Variants in MAP4 observed in about 807,000 individuals in gnomAD.
MAP4 encodes the protein microtubule associated protein 4.
Under a neutral mutation model 170.2 loss-of-function variants are expected in MAP4, and 76 were observed. That is an observed-to-expected ratio of 0.45 (90% confidence interval 0.37 to 0.54). MAP4 has a LOEUF of 0.54. Among genes scored for constraint, MAP4 ranks in the 20% least tolerant of loss-of-function variants. MAP4 has a pLI of 0.00. For missense variants in MAP4, 2,506 were observed against 2,748.0 expected (o/e 0.91, Z 1.97); for synonymous variants, 909 against 994.5 (o/e 0.91, Z 1.62).
chr3:48,009,975 G>A (rs765494596), intron 1 of MAP4, among the ~76,000 whole-genome samples: 7 of 152,158 alleles, frequency 4.6e-5, no homozygotes, highest in Non-Finnish European at 7.3e-5. Flanking sequence ...TGTTGGCTAA[G>A]GTGACTGACC....
At chr3:47,976,450 C>T (rs981195997) in intron 3 of MAP4, among the ~76,000 whole-genome samples, 2 of 152,172 alleles carry the variant, frequency 1.3e-5, no homozygotes, top group Non-Finnish European at 2.9e-5. Context: ...CTTTCAACTG[C>T]CTAATCAAGT....
chr3:47,926,580 G>A (rs80115964), intron 4 of MAP4, among the ~76,000 whole-genome samples: 6,711 of 152,104 alleles, frequency 0.044, 497 homozygotes, highest in African/African-American at 0.15. Flanking sequence ...TATTGCCCAC[G>A]CTAGAGTACA....
intron 10 of MAP4, among the ~76,000 whole-genome samples, chr3:47,897,959 A>G (rs73087125): frequency 0.011 from 1,717 of 151,906 alleles, 21 homozygotes; most frequent in Non-Finnish European, 0.019. Flanking sequence ...GGAAAAAAAA[A>G]AAAGAAAGAA....
chr3:47,978,264 T>A (rs186781309), intron 2 of MAP4, among the ~76,000 whole-genome samples: 3 of 152,278 alleles, frequency 2.0e-5, no homozygotes, highest in Non-Finnish European at 2.9e-5. Flanking sequence ...AGGTTTGGTA[T>A]CAGCAATTCA....
At chr3:47,974,379 C>A (rs1363242559) in intron 3 of MAP4, 2 of 743,796 alleles carry the variant, frequency 2.7e-6, no homozygotes, top group Non-Finnish European at 3.3e-6. Context: ...AAGCCAAGAT[C>A]GCGCCACCGC....
At chr3:48,018,100 C>A (rs928909563), upstream of MAP4, among the ~76,000 whole-genome samples, 8 of 152,198 alleles carry the variant, frequency 5.3e-5, no homozygotes, top group African/African-American at 1.9e-4. Context: ...ACACTTATCG[C>A]AAAGTTAATG....
intron 3 of MAP4, among the ~76,000 whole-genome samples, chr3:47,928,976 C>T (rs530327831): frequency 6.6e-6 from 1 of 152,074 alleles, no homozygotes; most frequent in South Asian, 2.1e-4. Context: ...TATAAAAATG[C>T]AAAAAACCTA....
At chr3:48,042,608 A>G (rs2100122220) in intron 1 of MAP4, among the ~76,000 whole-genome samples, 1 of 152,194 alleles carries the variant, frequency 6.6e-6, no homozygotes, top group South Asian at 2.1e-4. Context: ...CAGGTAATGA[A>G]TGGCAAGTGT....
chr3:47,939,773 G>T (rs2153987416), intron 3 of MAP4, among the ~76,000 whole-genome samples: 1 of 150,966 alleles, frequency 6.6e-6, no homozygotes, highest in South Asian at 2.1e-4. Context: ...CAGAGAAATG[G>T]GTACATTTTC....
intron 2 of MAP4, among the ~76,000 whole-genome samples, chr3:47,997,763 A>G (rs1427279634): frequency 1.3e-5 from 2 of 152,070 alleles, no homozygotes; most frequent in African/African-American, 4.8e-5. Flanking sequence ...AGTATAAGAA[A>G]TGAAAAAGGG....
intron 3 of MAP4, among the ~76,000 whole-genome samples, chr3:47,941,220 CAAAAAAAAAAAAAA>C (rs745693695): frequency 2.6e-4 from 12 of 45,850 alleles, no homozygotes; most frequent in East Asian, 1.5e-3. Flanking sequence ...CTATCTCTAC[CAAAAAAAAAAAAAA>C]AAAAAAAAAA....
At position 47,955,480 on chromosome 3, in the gene MAP4, ACT is replaced by A. The variant is rs1385642942; in HGVS notation, c.292+22383_292+22384del. On this transcript the variant is annotated intron_variant, in intron 3 of 20. Coordinates refer to ENST00000683076, the MANE Select transcript of MAP4 (RefSeq NM_001385682.1). ...CACACACACACACACACACACACACACTAGTCAACTATACTGACATTATGCTA... is the reference window on the plus strand; with the variant it reads ...CACACACACACACACACACACACACAAGTCAACTATACTGACATTATGCTA... Among the ~76,000 whole-genome samples the A allele has an allele frequency of 3.2e-3, 456 of 141,092 alleles. 6 individuals carry two copies. Among genetic ancestry groups the A allele is most frequent in the African/African-American group, 0.011 (436 of 38,970 alleles). The allele number at this position is 141,092 out of a possible 152,430, so 92.6% of individuals were successfully genotyped here. A position where few individuals can be genotyped will look rare whatever the true frequency, so the allele number is the denominator to read the frequency against.
At chr3:48,013,133 T>C (rs1346740560) in intron 1 of MAP4, among the ~76,000 whole-genome samples, 1 of 152,216 alleles carries the variant, frequency 6.6e-6, no homozygotes. Flanking sequence ...AATAAATTCA[T>C]GTATGAATTT....
chr3:47,978,404 G>A (rs911184666), intron 2 of MAP4, among the ~76,000 whole-genome samples: 3 of 152,014 alleles, frequency 2.0e-5, no homozygotes, highest in African/African-American at 7.3e-5. Flanking sequence ...TGCAACCTCC[G>A]CCTTCTGGGT....
At chr3:48,077,478 G>T (rs1222418229) in intron 1 of MAP4, among the ~76,000 whole-genome samples, 3 of 149,746 alleles carry the variant, frequency 2.0e-5, no homozygotes, top group South Asian at 2.1e-4. Flanking sequence ...AGAAAGAGAA[G>T]AAAAAAATAA....
Position 47,871,968 on chromosome 3 carries a change from T to C in MAP4, c.5890A>G (p.Thr1964Ala), listed in dbSNP as rs1466965535. Residue 1964 changes from threonine to alanine, a missense_variant, in exon 13 of 21, where the codon ACT (threonine) becomes GCT (alanine). Physicochemically the swap from Thr to Ala is moderately conservative, Grantham distance 58. This residue lies in a region of MAP4 where 487 missense variants were observed against 511.6 expected (regional missense o/e 0.95). Coordinates refer to ENST00000683076, the MANE Select transcript of MAP4 (RefSeq NM_001385682.1). ...GAGGGGCTCCTACTGCTTGGGCCAG[T>C]TGAGGCAACAGCAGCAGCTGTTGTG... is the stretch of plus-strand genomic sequence containing the variant. Reference protein sequence around the residue: ...KTTTAAAVASTGPSSRSPSTL... With the variant: ...KTTTAAAVASAGPSSRSPSTL... 1.9e-6 allele frequency: 3 copies of C among 1,613,926 alleles called. No homozygotes were observed. The highest frequency in any genetic ancestry group is 4.5e-5 in the East Asian group (2 of 44,856).
chr3:47,891,735 G>A (rs1438415392), intron 10 of MAP4: 2 of 1,536,700 alleles, frequency 1.3e-6, no homozygotes, highest in Non-Finnish European at 1.7e-6. Context: ...ATAGTGATTG[G>A]CGGAATGGTG....
In MAP4 at chr3:47,889,935, T is replaced by TA. The variant is rs1192530675; in HGVS notation, c.5435-12413dup. Among the ~76,000 whole-genome samples the TA allele has an allele frequency of 8.2e-3, 1,110 of 135,338 alleles. 1 individual carries two copies. Among genetic ancestry groups the TA allele is most frequent in the South Asian group, 0.012 (50 of 4,282 alleles). The allele number at this position is 135,338 out of a possible 152,430, so 88.8% of individuals were successfully genotyped here. ...AAACAAAAAATGTTTTTTATCTCCATAAAAAAAAAAAACCCAAAACATCTG... is the reference window on the plus strand; with the variant it reads ...AAACAAAAAATGTTTTTTATCTCCATAAAAAAAAAAAAACCCAAAACATCTG... On this transcript the variant is annotated intron_variant, in intron 10 of 20. Transcript: ENST00000683076.
At chr3:48,018,823 G>T (rs930595012), upstream of MAP4, among the ~76,000 whole-genome samples, 4 of 151,740 alleles carry the variant, frequency 2.6e-5, no homozygotes, top group Non-Finnish European at 4.4e-5. Context: ...AAATAAAAAA[G>T]AATATTCACC....
Sources: gnomAD v4.1 joint callset for allele counts (sites outside exome capture counted in the v4.1 genomes callset) on GRCh38, gnomAD v4.1.1 for gene constraint, gnomAD v4.1.1 regional missense constraint, MANE v1.5 for transcripts, NCBI Gene and HGNC (gene_info 2026-07-23, HGNC 2026-07-21) for gene names.